SPMIP8: variants seen among roughly 807,000 people sequenced by gnomAD.
The protein encoded by SPMIP8 is testicular tissue protein Li 196.
chr16:57,981,389 A>AATAATTATTATTATT, the SPMIP8 span, among the ~76,000 whole-genome samples: 85 of 132,912 alleles, frequency 6.4e-4, 1 homozygote, highest in Non-Finnish European at 1.2e-3. Context: ...CAATAATAAT[A>AATAATTATTATTATT]ATAATTATTA....
At chr16:57,985,141 T>C in the SPMIP8 span, 28 of 1,346,602 alleles carry the variant, frequency 2.1e-5, no homozygotes, top group East Asian at 6.4e-5. Flanking sequence ...GGGGCTTAGA[T>C]GAGGAGGCGG....
the SPMIP8 span, chr16:57,986,379 G>C: frequency 6.3e-6 from 1 of 158,930 alleles, no homozygotes; most frequent in African/African-American, 2.4e-5. Context: ...TTATCTCCAA[G>C]ATAAGCACCT....
chr16:57,977,407 CAAAA>C, the SPMIP8 span, among the ~76,000 whole-genome samples: 2 of 99,826 alleles, frequency 2.0e-5, no homozygotes, highest in Admixed American at 1.2e-4. Context: ...GAGACTGTCT[CAAAA>C]AAAAAAAAAA....
the SPMIP8 span, chr16:57,985,410 C>G: frequency 6.2e-7 from 1 of 1,612,194 alleles, no homozygotes. Flanking sequence ...GCAGGAAGCC[C>G]TGTGTGGGGC....
the SPMIP8 span, chr16:57,985,036 C>A: frequency 9.3e-7 from 1 of 1,076,138 alleles, no homozygotes; most frequent in Non-Finnish European, 1.3e-6. Context: ...AGCCTTCGGG[C>A]CGGGGGCTTT....
At chr16:57,978,842 C>T in the SPMIP8 span, among the ~76,000 whole-genome samples, 5 of 152,102 alleles carry the variant, frequency 3.3e-5, no homozygotes, top group Admixed American at 6.5e-5. Context: ...GGTCTCAACT[C>T]CTGGGTTCAA....
At chr16:57,987,306 G>T in the SPMIP8 span, 2 of 1,315,294 alleles carry the variant, frequency 1.5e-6, no homozygotes. Context: ...CTGGCTGGAA[G>T]CTGTGTTTTC....
At chr16:57,985,043 C>A in the SPMIP8 span, 3 of 1,095,042 alleles carry the variant, frequency 2.7e-6, no homozygotes, top group Non-Finnish European at 3.8e-6. Flanking sequence ...GGGCCGGGGG[C>A]TTTGCCCTGG....
chr16:57,981,410 A>T, the SPMIP8 span, among the ~76,000 whole-genome samples: 369 of 57,668 alleles, frequency 6.4e-3, 6 homozygotes, highest in Non-Finnish European at 9.4e-3. Flanking sequence ...TTATTATAAT[A>T]ATAATTATTA....
chr16:57,979,213 CAG>C, the SPMIP8 span, among the ~76,000 whole-genome samples: 1 of 152,138 alleles, frequency 6.6e-6, no homozygotes, highest in Non-Finnish European at 1.5e-5. Context: ...GGAGGCCAAA[CAG>C]GGGGAGTGCA....
At chr16:57,987,320 T>G in the SPMIP8 span, 1 of 1,388,152 alleles carries the variant, frequency 7.2e-7, no homozygotes, top group South Asian at 1.6e-5. Context: ...TGTTTTCAGA[T>G]CCTAGAGGGG....
At chr16:57,982,979 G>A in the SPMIP8 span, among the ~76,000 whole-genome samples, 1,621 of 152,180 alleles carry the variant, frequency 0.011, 17 homozygotes, top group Admixed American at 0.021. Flanking sequence ...GCAGTGAGCC[G>A]AGACCGCGCC....
chr16:57,986,488 C>G, the SPMIP8 span: 5 of 152,390 alleles, frequency 3.3e-5, no homozygotes, highest in South Asian at 4.1e-4. Context: ...TAGACTCCCC[C>G]GAAACCCAGC....
the SPMIP8 span, chr16:57,977,876 C>CCCGG: frequency 5.0e-6 from 8 of 1,614,164 alleles, no homozygotes; most frequent in South Asian, 6.6e-5. Context: ...TGTATGCCTC[C>CCCGG]CCGGCCATCC....
the SPMIP8 span, among the ~76,000 whole-genome samples, chr16:57,978,414 C>T: frequency 1.6e-4 from 25 of 152,014 alleles, no homozygotes; most frequent in Admixed American, 7.2e-4. Context: ...GTGGCAGGCA[C>T]CTGTAATCCC....
At chr16:57,986,668 A>C in the SPMIP8 span, 3 of 152,112 alleles carry the variant, frequency 2.0e-5, no homozygotes, top group Admixed American at 2.0e-4. Flanking sequence ...ATCTCAGCTC[A>C]CTGCAACCTC....
At chr16:57,986,009 G>C in the SPMIP8 span, 32 of 1,527,530 alleles carry the variant, frequency 2.1e-5, no homozygotes, top group Non-Finnish European at 2.7e-5. Context: ...GGACAGCCTC[G>C]GGGCTCCCTG....
chr16:57,977,923 G>A, the SPMIP8 span: 1 of 1,614,122 alleles, frequency 6.2e-7, no homozygotes, highest in Non-Finnish European at 8.5e-7. Flanking sequence ...CAGCTGGCGG[G>A]CGTGAAGCAG....
the SPMIP8 span, chr16:57,987,433 GA>G: frequency 6.3e-7 from 1 of 1,592,430 alleles, no homozygotes; most frequent in Non-Finnish European, 8.5e-7. Context: ...TTAATCTCTG[GA>G]AAGGAGGCTG....
Sources: gnomAD v4.1 joint callset for allele counts (sites outside exome capture counted in the v4.1 genomes callset) on GRCh38, gnomAD v4.1.1 for gene constraint, MANE v1.5 for transcripts, NCBI Gene and HGNC (gene_info 2026-07-23, HGNC 2026-07-21) for gene names.